The following RELN variants were observed in gnomAD, a reference collection of about 807,000 sequenced individuals.
The protein encoded by RELN is reelin.
RELN carries 108 observed loss-of-function variants against 427.6 expected under a neutral mutation model. The observed-to-expected ratio is 0.25, with a 90% CI of 0.22 to 0.30. The LOEUF is 0.30. Ranked by LOEUF, RELN falls within the 10% of genes least tolerant of loss-of-function variation. The probability of loss-of-function intolerance (pLI) is 1.00; values close to 1 mark genes in which losing one functional copy is unlikely to be tolerated. For synonymous variants in RELN, 1,524 were observed against 1,513.4 expected (o/e 1.01, Z -0.16); for missense variants, 3,715 against 4,302.8 (o/e 0.86, Z 3.82).
intron 11 of RELN, among the ~76,000 whole-genome samples, chr7:103,677,246 A>G (rs540700474): frequency 6.9e-6 from 1 of 144,478 alleles, no homozygotes; most frequent in East Asian, 2.2e-4. Context: ...GGAACATCAT[A>G]CACTAGGATC....
intron 1 of RELN, among the ~76,000 whole-genome samples, chr7:103,924,408 AAAT>A (rs150991361): frequency 0.014 from 2,096 of 152,274 alleles, 55 homozygotes; most frequent in African/African-American, 0.048. Flanking sequence ...CTTAAGATCA[AAAT>A]AATAAGGTCA....
intron 11 of RELN, among the ~76,000 whole-genome samples, chr7:103,673,857 T>G (rs1000210706): frequency 6.6e-6 from 1 of 152,158 alleles, no homozygotes; most frequent in Non-Finnish European, 1.5e-5. Context: ...TATCTAGGAC[T>G]GGCTACTTTT....
intron 2 of RELN, among the ~76,000 whole-genome samples, chr7:103,879,780 C>G (rs775772064): frequency 6.6e-6 from 1 of 152,132 alleles, no homozygotes; most frequent in African/African-American, 2.4e-5. Context: ...TTCCCACAGG[C>G]CAGTTTTCTT....
chr7:103,515,405 C>T lies in RELN; in HGVS notation c.7899G>A (p.Glu2633=). 3.1e-6 allele frequency: 5 copies of T among 1,614,114 alleles called. No individual in the cohort carries two copies. The highest frequency in any genetic ancestry group is 4.2e-6 in the Non-Finnish European group (5 of 1,180,024). ...GCCACCAGCGGAAGCGAGTGGCAAT[C>T]TCTTTAGCATCAGGAGGGAGAAGGA... The part of the protein sequence containing the change: ...VNILLPPDAK[E]IATRFRWWQP... Residue 2633 remains glutamate (E), a synonymous_variant, in exon 50 of 65, where the codon GAG becomes GAA. Transcript: ENST00000428762.
chr7:103,611,719 C>G lies in RELN; in HGVS notation c.2787G>C (p.Gln929His). Residue 929 changes from glutamine (Q) to histidine (H), a missense_variant, in exon 21 of 65, where the codon CAG becomes CAC. Physicochemically the swap from Gln to His is conservative, Grantham distance 24. Transcript: ENST00000428762. ...GGCCACATCCCATCACCAAACTGAA[C>G]TGAATCATATAGGATGCTCCTATCT... ...SMQIGASYMIQFSLVMGCGQK... is the reference protein window; with the variant it reads ...SMQIGASYMIHFSLVMGCGQK... The G allele has an allele frequency of 6.2e-7, 1 of 1,613,930 alleles. No homozygotes were observed. The highest frequency in any genetic ancestry group is 1.1e-5 in the South Asian group (1 of 91,078).
intron 20 of RELN, among the ~76,000 whole-genome samples, chr7:103,625,269 G>A (rs997008959): frequency 6.6e-6 from 1 of 152,188 alleles, no homozygotes; most frequent in Admixed American, 6.5e-5. Flanking sequence ...TCTGTGTAGT[G>A]ATGGTGATTG....
intron 7 of RELN, among the ~76,000 whole-genome samples, chr7:103,727,504 T>C (rs1190655151): frequency 6.6e-6 from 1 of 152,220 alleles, no homozygotes; most frequent in African/African-American, 2.4e-5. Context: ...GTAGTTTTAC[T>C]TCTTTCCATT....
chr7:103,906,548 CTCCTCTCTCT>C (rs1795209472), intron 2 of RELN, among the ~76,000 whole-genome samples: 2 of 152,032 alleles, frequency 1.3e-5, no homozygotes, highest in Non-Finnish European at 2.9e-5. Flanking sequence ...TCTCTCTCTC[CTCCTCTCTCT>C]GCTCATGATT....
At chr7:103,732,718 C>T (rs1433568212) in intron 6 of RELN, among the ~76,000 whole-genome samples, 1 of 152,112 alleles carries the variant, frequency 6.6e-6, no homozygotes, top group Non-Finnish European at 1.5e-5. Context: ...TACTTAAATG[C>T]ATAAGTGCTC....
chr7:103,928,918 A>C (rs1795802164), intron 1 of RELN, among the ~76,000 whole-genome samples: 1 of 152,204 alleles, frequency 6.6e-6, no homozygotes, highest in African/African-American at 2.4e-5. Context: ...AAAGTACCTA[A>C]ATATTTTCTG....
chr7:103,723,281 T>TA lies in RELN; in HGVS notation c.754-91dup. 3 of 748,436 alleles carry TA rather than the reference T, an allele frequency of 4.0e-6. No individual in the cohort carries two copies. The East Asian group carries it at 7.8e-5, about 19-fold the overall frequency. 46.4% of individuals were successfully genotyped at this position (748,436 alleles called of 1,614,324 possible). On this transcript the variant is annotated intron_variant, in intron 7 of 64. Transcript: ENST00000428762. ...GGAGGGGTACGGGGAGGGGAAGAGT[T>TA]AAAAAAGAGGAGAGAGGAAATCCAT...
At position 103,503,972 on chromosome 7, in the gene RELN, G is replaced by A. The variant is rs566457375; in HGVS notation, c.8275-742C>T. On this transcript the variant is annotated intron_variant, in intron 51 of 64. Coordinates refer to ENST00000428762, the MANE Select transcript of RELN (RefSeq NM_005045.4). Reference sequence around the variant, plus strand: ...TGTAATCCCAGCACTTTGGGAGGCCGAGACGGGTGGATCACGAGGTCAGGA... The same window carrying A: ...TGTAATCCCAGCACTTTGGGAGGCCAAGACGGGTGGATCACGAGGTCAGGA... 2.5e-3 allele frequency among the ~76,000 whole-genome samples: 381 copies of A among 151,044 alleles called. 2 individuals carry two copies. The highest frequency in any genetic ancestry group is 8.8e-3 in the African/African-American group (364 of 41,144).
intron 57 of RELN, among the ~76,000 whole-genome samples, chr7:103,492,791 G>C (rs918916945): frequency 6.6e-6 from 1 of 152,168 alleles, no homozygotes; most frequent in African/African-American, 2.4e-5. Context: ...TAATCAGATA[G>C]ATAGGGTACA....
At position 103,603,203 on chromosome 7, in the gene RELN, T is replaced by C. The variant is rs999930365; in HGVS notation, c.3333+101A>G. 1 of 980,298 alleles carries C rather than the reference T, an allele frequency of 1.0e-6. No homozygotes were observed. The highest frequency in any genetic ancestry group is 1.7e-5 in the Admixed American group (1 of 58,482). The allele number at this position is 980,298 out of a possible 1,614,324, so 60.7% of individuals were successfully genotyped here. ...AGAGCCCACTCAAAAGCGGGGAACG[T>C]GGGGAACAATAGAACCACTTCATAT... On this transcript the variant is annotated intron_variant, in intron 24 of 64. Transcript: ENST00000428762. The surrounding 1 kb of genome is among the most constrained non-coding windows in gnomAD (Gnocchi z 4.3).
intron 1 of RELN, among the ~76,000 whole-genome samples, chr7:103,986,094 G>A (rs185910213): frequency 2.0e-5 from 3 of 152,238 alleles, no homozygotes; most frequent in African/African-American, 7.2e-5. Flanking sequence ...CTGACCCTGA[G>A]ACCTTTCTAA....
intron 5 of RELN, among the ~76,000 whole-genome samples, chr7:103,750,718 T>C (rs1183706796): frequency 6.6e-6 from 1 of 152,230 alleles, no homozygotes; most frequent in Non-Finnish European, 1.5e-5. Flanking sequence ...CATCTTTTAC[T>C]GAATGTTTTT....
At chr7:103,658,488 C>T (rs1485395806) in intron 12 of RELN, among the ~76,000 whole-genome samples, 3 of 152,012 alleles carry the variant, frequency 2.0e-5, no homozygotes, top group African/African-American at 7.2e-5. Flanking sequence ...CCTGCCCTAT[C>T]GTATCCCACC....
intron 41 of RELN, among the ~76,000 whole-genome samples, chr7:103,549,752 C>A (rs1830373303): frequency 1.3e-5 from 2 of 152,210 alleles, no homozygotes; most frequent in African/African-American, 4.8e-5. Flanking sequence ...CCATGCCATT[C>A]CCCAGTATCT....
At chr7:103,859,201 T>C (rs908056255) in intron 2 of RELN, among the ~76,000 whole-genome samples, 3 of 152,222 alleles carry the variant, frequency 2.0e-5, no homozygotes, top group African/African-American at 7.2e-5. Context: ...TGTGCAGAAT[T>C]CTAATATTAA....
Sources: gnomAD v4.1 joint callset for allele counts (sites outside exome capture counted in the v4.1 genomes callset) on GRCh38, gnomAD v4.1.1 for gene constraint, Gnocchi (gnomAD v3.1) non-coding constraint, MANE v1.5 for transcripts, NCBI Gene and HGNC (gene_info 2026-07-23, HGNC 2026-07-21) for gene names.